Variants in NUBPL observed in about 807,000 individuals in gnomAD.
NUBPL encodes NUBP iron-sulfur cluster assembly factor, mitochondrial, also known as iron-sulfur cluster transfer protein NUBPL.
A neutral mutation model predicts 45.7 loss-of-function variants in NUBPL; 31 were observed. That is an observed-to-expected ratio of 0.68 (90% confidence interval 0.51 to 0.92). NUBPL has a LOEUF of 0.92. NUBPL is among the 40% of genes least tolerant of loss of function. The pLI is 0.00. For missense variants in NUBPL, 401 were observed against 398.7 expected, an observed-to-expected ratio of 1.01 and a Z score of -0.05; for synonymous variants, 144 against 140.9, an observed-to-expected ratio of 1.02 and a Z score of -0.15.
At chr14:31,824,383 C>T (rs1008098920) in intron 7 of NUBPL, among the ~76,000 whole-genome samples, 1 of 151,990 alleles carries the variant, frequency 6.6e-6, no homozygotes, top group African/African-American at 2.4e-5. Context: ...CTTCCCGCAC[C>T]CCATACTGAC....
At chr14:31,678,730 C>T (rs985905382) in intron 6 of NUBPL, among the ~76,000 whole-genome samples, 3 of 152,186 alleles carry the variant, frequency 2.0e-5, no homozygotes. Flanking sequence ...CTTGTGAAGC[C>T]ACGACCTGTG....
At chr14:31,571,461 CTTCT>C (rs952515329) in intron 3 of NUBPL, among the ~76,000 whole-genome samples, 6 of 138,566 alleles carry the variant, frequency 4.3e-5, no homozygotes, top group African/African-American at 9.9e-5. Context: ...TGAGTGTCTT[CTTCT>C]TTTTTTTTTT....
chr14:31,751,892 T>G (rs1566541611), intron 6 of NUBPL, among the ~76,000 whole-genome samples: 1 of 152,176 alleles, frequency 6.6e-6, no homozygotes, highest in Non-Finnish European at 1.5e-5. Flanking sequence ...AATTCTTGCC[T>G]TCTGTGCTCC....
intron 4 of NUBPL, among the ~76,000 whole-genome samples, chr14:31,607,967 A>G (rs971764027): frequency 4.6e-5 from 7 of 152,204 alleles, no homozygotes; most frequent in African/African-American, 1.7e-4. Flanking sequence ...AAGATCAAGG[A>G]TAAAGAAACA....
intron 6 of NUBPL, among the ~76,000 whole-genome samples, chr14:31,754,986 A>G (rs1294265243): frequency 6.6e-6 from 1 of 151,236 alleles, no homozygotes; most frequent in Non-Finnish European, 1.5e-5. Context: ...ACTGAAAATG[A>G]TGATTTCCAA....
chr14:31,846,717 G>A (rs1415338597), intron 9 of NUBPL, 126 bp downstream of exon 9: 19 of 1,451,940 alleles, frequency 1.3e-5, no homozygotes, highest in Non-Finnish European at 1.8e-5. Context: ...AGCACTTTGG[G>A]AGGTCGAGGT....
intron 3 of NUBPL, among the ~76,000 whole-genome samples, chr14:31,574,314 A>G (rs1418289361): frequency 6.6e-6 from 1 of 151,716 alleles, no homozygotes; most frequent in African/African-American, 2.4e-5. Context: ...CCCAGGCTGG[A>G]GTGCAAGTGG....
At chr14:31,822,292 T>C (rs1014192802) in intron 7 of NUBPL, among the ~76,000 whole-genome samples, 1 of 152,130 alleles carries the variant, frequency 6.6e-6, no homozygotes, top group Non-Finnish European at 1.5e-5. Flanking sequence ...AAACATCTCA[T>C]GGACCCCTTA....
chr14:31,593,445 C>T (rs8009557), intron 3 of NUBPL, among the ~76,000 whole-genome samples: 43,332 of 137,598 alleles, frequency 0.31, 7,204 homozygotes, highest in South Asian at 0.44. Flanking sequence ...ACCCGGGAGG[C>T]GGAGCTTGCA....
At chr14:31,576,173 T>C (rs983293898) in intron 3 of NUBPL, among the ~76,000 whole-genome samples, 1 of 152,222 alleles carries the variant, frequency 6.6e-6, no homozygotes, top group African/African-American at 2.4e-5. Flanking sequence ...ATATATTCAT[T>C]TACCAAATGT....
chr14:31,726,946 A>T (rs1157000950), intron 6 of NUBPL, among the ~76,000 whole-genome samples: 2 of 152,058 alleles, frequency 1.3e-5, no homozygotes, highest in African/African-American at 4.8e-5. Flanking sequence ...TACTCAACAG[A>T]TATCAGTAGC....
intron 6 of NUBPL, among the ~76,000 whole-genome samples, chr14:31,705,551 A>G (rs2037430907): frequency 6.6e-6 from 1 of 152,108 alleles, no homozygotes; most frequent in South Asian, 2.1e-4. Flanking sequence ...TGCATTTACA[A>G]TCCTTTAGCA....
chr14:31,730,801 A>G (rs2038033959), intron 6 of NUBPL, among the ~76,000 whole-genome samples: 1 of 152,146 alleles, frequency 6.6e-6, no homozygotes, highest in African/African-American at 2.4e-5. Flanking sequence ...ATGGTCCTGG[A>G]TTGTAGTTTT....
intron 6 of NUBPL, among the ~76,000 whole-genome samples, chr14:31,733,350 T>C (rs184338544): frequency 1.3e-5 from 2 of 152,286 alleles, no homozygotes; most frequent in African/African-American, 4.8e-5. Context: ...TATATTTCCA[T>C]AGCAATTTTA....
At chr14:31,803,398 AC>A (rs2138872844) in intron 7 of NUBPL, among the ~76,000 whole-genome samples, 1 of 152,310 alleles carries the variant, frequency 6.6e-6, no homozygotes, top group African/African-American at 2.4e-5. Context: ...TCAAAGAAAA[AC>A]ATTTGGCTAT....
intron 6 of NUBPL, 28 bp from the exon 7 acceptor site, chr14:31,787,752 A>T (rs2039309448): frequency 7.1e-7 from 1 of 1,402,462 alleles, no homozygotes; most frequent in South Asian, 1.2e-5. Context: ...ATTTTTATAC[A>T]ATGATATAAT....
intron 6 of NUBPL, among the ~76,000 whole-genome samples, chr14:31,687,391 C>T (rs1393417565): frequency 6.6e-6 from 1 of 152,164 alleles, no homozygotes; most frequent in Admixed American, 6.5e-5. Context: ...AAAGTATACA[C>T]AAATCTATTA....
intron 4 of NUBPL, among the ~76,000 whole-genome samples, chr14:31,627,956 T>A (rs2035250742): frequency 6.6e-6 from 1 of 152,158 alleles, no homozygotes; most frequent in Non-Finnish European, 1.5e-5. Flanking sequence ...AAAAAACAGT[T>A]GAGAAGAGTG....
chr14:31,724,799 G>A (rs1041948731), intron 6 of NUBPL, among the ~76,000 whole-genome samples: 13 of 152,146 alleles, frequency 8.5e-5, no homozygotes, highest in Admixed American at 7.2e-4. Context: ...AATGAAAACC[G>A]TATAGTATAA....
Sources: allele counts gnomAD v4.1 joint callset (sites outside exome capture counted in the v4.1 genomes callset), GRCh38; gene constraint gnomAD v4.1.1; transcripts MANE v1.5; gene names NCBI Gene and HGNC (gene_info 2026-07-23, HGNC 2026-07-21).